CSNK2A2IP: variants seen among roughly 807,000 people sequenced by gnomAD.
CSNK2A2IP encodes the protein casein kinase 2 subunit alpha' interacting protein, also known as casein kinase II subunit alpha'-interacting protein.
At chr3:88,349,796 AT>A in the CSNK2A2IP span, among the ~76,000 whole-genome samples, 1 of 152,102 alleles carries the variant, frequency 6.6e-6, no homozygotes, top group East Asian at 1.9e-4. Flanking sequence ...GCCAACATCT[AT>A]TTTTTTGTGT....
chr3:88,341,230 C>A, the CSNK2A2IP span, among the ~76,000 whole-genome samples: 1 of 151,658 alleles, frequency 6.6e-6, no homozygotes, highest in Non-Finnish European at 1.5e-5. Context: ...TAATTGGGTT[C>A]AGAGGCTATT....
the CSNK2A2IP span, among the ~76,000 whole-genome samples, chr3:88,348,856 A>T: frequency 6.6e-6 from 1 of 152,026 alleles, no homozygotes; most frequent in African/African-American, 2.4e-5. Flanking sequence ...TATTGCTGTG[A>T]GTTGTACCAC....
chr3:88,453,000 G>T, the CSNK2A2IP span, among the ~76,000 whole-genome samples: 529 of 152,226 alleles, frequency 3.5e-3, 2 homozygotes, highest in African/African-American at 0.012. Flanking sequence ...AGATATTCTT[G>T]TGGGTTTATA....
the CSNK2A2IP span, among the ~76,000 whole-genome samples, chr3:88,427,984 A>G: frequency 6.6e-6 from 1 of 152,128 alleles, no homozygotes; most frequent in Admixed American, 6.5e-5. Context: ...TGCGCCTGGA[A>G]AAGCTGCAGA....
chr3:88,425,764 C>G, the CSNK2A2IP span, among the ~76,000 whole-genome samples: 1 of 151,824 alleles, frequency 6.6e-6, no homozygotes, highest in East Asian at 1.9e-4. Context: ...TGACGTATTC[C>G]TTATGTCATT....
the CSNK2A2IP span, among the ~76,000 whole-genome samples, chr3:88,460,359 CT>C: frequency 2.0e-5 from 3 of 152,152 alleles, no homozygotes; most frequent in Non-Finnish European, 4.4e-5. Flanking sequence ...CAAATAGGCT[CT>C]TGTTAGTTCT....
the CSNK2A2IP span, among the ~76,000 whole-genome samples, chr3:88,420,967 A>C: frequency 4.6e-5 from 7 of 152,302 alleles, no homozygotes; most frequent in African/African-American, 1.4e-4. Flanking sequence ...TTCCAACTTT[A>C]AACACTAAGA....
chr3:88,346,497 A>C, the CSNK2A2IP span, among the ~76,000 whole-genome samples: 66,470 of 151,664 alleles, frequency 0.44, 15,808 homozygotes, highest in South Asian at 0.62. Flanking sequence ...GGAGCCAGGG[A>C]TCCTTTACCA....
At chr3:88,461,911 G>GT in the CSNK2A2IP span, among the ~76,000 whole-genome samples, 56 of 151,260 alleles carry the variant, frequency 3.7e-4, no homozygotes, top group Non-Finnish European at 6.9e-4. Context: ...CAGCTAATTT[G>GT]TTTTTTTTGT....
chr3:88,438,016 C>T, the CSNK2A2IP span, among the ~76,000 whole-genome samples: 1 of 152,284 alleles, frequency 6.6e-6, no homozygotes, highest in South Asian at 2.1e-4. Flanking sequence ...AGGGCAGAGA[C>T]TGTATTTCAA....
the CSNK2A2IP span, among the ~76,000 whole-genome samples, chr3:88,364,841 AG>A: frequency 6.6e-6 from 1 of 152,222 alleles, no homozygotes; most frequent in Non-Finnish European, 1.5e-5. Flanking sequence ...AGAAATTATA[AG>A]AAAATTAACA....
At chr3:88,434,596 G>GA in the CSNK2A2IP span, among the ~76,000 whole-genome samples, 6 of 151,996 alleles carry the variant, frequency 3.9e-5, no homozygotes, top group Non-Finnish European at 7.4e-5. Flanking sequence ...TCTCTTCCCA[G>GA]AAAAAATCCA....
the CSNK2A2IP span, among the ~76,000 whole-genome samples, chr3:88,387,460 T>C: frequency 2.0e-5 from 3 of 152,152 alleles, no homozygotes; most frequent in Non-Finnish European, 4.4e-5. Context: ...TGAGCTACTG[T>C]GCCCGGCCAA....
chr3:88,378,315 T>C, the CSNK2A2IP span, among the ~76,000 whole-genome samples: 3 of 151,938 alleles, frequency 2.0e-5, no homozygotes, highest in Non-Finnish European at 4.4e-5. Flanking sequence ...GCTACCTCCT[T>C]TTGAATAGCA....
chr3:88,418,463 T>TGCGCGCGCGCGCGCACGC, the CSNK2A2IP span, among the ~76,000 whole-genome samples: 1 of 149,536 alleles, frequency 6.7e-6, no homozygotes, highest in African/African-American at 2.5e-5. Context: ...TGTGTGTGTG[T>TGCGCGCGCGCGCGCACGC]GCGCGCGGGC....
chr3:88,461,408 C>G, the CSNK2A2IP span, among the ~76,000 whole-genome samples: 2 of 151,912 alleles, frequency 1.3e-5, no homozygotes, highest in Admixed American at 6.6e-5. Context: ...AAAAAATTAG[C>G]CGGGCGTGGT....
At chr3:88,353,167 C>T in the CSNK2A2IP span, among the ~76,000 whole-genome samples, 2 of 152,110 alleles carry the variant, frequency 1.3e-5, no homozygotes, top group East Asian at 1.9e-4. Context: ...CCCCAACTTC[C>T]CCTAGTCTTT....
chr3:88,454,011 G>A, the CSNK2A2IP span, among the ~76,000 whole-genome samples: 5 of 152,134 alleles, frequency 3.3e-5, no homozygotes, highest in South Asian at 2.1e-4. Flanking sequence ...AAAGGATAAA[G>A]TGTTTTCCAA....
chr3:88,382,861 T>C, the CSNK2A2IP span: 1 of 152,340 alleles, frequency 6.6e-6, no homozygotes, highest in African/African-American at 2.4e-5. Flanking sequence ...TTGTGCACGA[T>C]GCAAATCTAA....
Sources: gnomAD v4.1 joint callset for allele counts (sites outside exome capture counted in the v4.1 genomes callset) on GRCh38, gnomAD v4.1.1 for gene constraint, MANE v1.5 for transcripts, NCBI Gene and HGNC (gene_info 2026-07-23, HGNC 2026-07-21) for gene names.